GPR143: variants seen among roughly 807,000 people sequenced by gnomAD.
The protein encoded by GPR143 is G protein-coupled receptor 143, also known as G-protein coupled receptor 143.
Under a neutral mutation model 27.6 loss-of-function variants are expected in GPR143, and 8 were observed. The observed-to-expected ratio is 0.29, with a 90% CI of 0.17 to 0.52. The LOEUF is 0.52. Ranked by LOEUF, GPR143 falls within the 20% of genes least tolerant of loss-of-function variation. The pLI is 0.96. For missense variants in GPR143, 303 were observed against 343.1 expected (o/e 0.88, Z 0.92); for synonymous variants, 156 against 153.2 (o/e 1.02, Z -0.13).
In GPR143 at chrX:9,741,389, T is replaced by C. The variant is rs1365274939; in HGVS notation, c.834A>G (p.Gly278=). 1 of 1,161,429 alleles carries C rather than the reference T, an allele frequency of 8.6e-7. No individual in the cohort carries two copies. Among genetic ancestry groups the C allele is most frequent in the Non-Finnish European group, 1.2e-6 (1 of 850,181 alleles). Residue 278 remains glycine (G), a synonymous_variant, in exon 7 of 9, where the codon GGA becomes GGG. Transcript: ENST00000467482. ...CAGTTCTGACAGGTTTCAAAGAACCTCCATTGATATCTGTTTGCATCTCAA... is the reference window on the plus strand; with the variant it reads ...CAGTTCTGACAGGTTTCAAAGAACCCCCATTGATATCTGTTTGCATCTCAA... ...FYLEMQTDIN[G]GSLKPVRTAA...
At chrX:9,747,248 A>C (rs2083433046) in intron 4 of GPR143, among the ~76,000 whole-genome samples, 1 of 110,839 alleles carries the variant, frequency 9.0e-6, no homozygotes, top group Non-Finnish European at 1.9e-5. Context: ...ATGACAAATA[A>C]GAGAGTGAGA....
At chrX:9,743,369 C>T (rs1490288148) in intron 6 of GPR143, among the ~76,000 whole-genome samples, 196 bp downstream of exon 6, 1 of 109,967 alleles carries the variant, frequency 9.1e-6, no homozygotes, top group African/African-American at 3.3e-5. Flanking sequence ...GAATGTTTTT[C>T]CAGAAATTCA....
chrX:9,759,370 C>A lies in GPR143; in HGVS notation c.417G>T (p.Val139=). ...ACFWWLFCYA[V]DAYLVIRRSA... ...ATCTCCGGATCACCAGATAAGCATC[C>A]ACTGCATAGCAAAACAGCCACCAGA... The change falls in exon 3 of 9, where the codon GTG becomes GTT. Residue 139 remains valine, a synonymous_variant. Coordinates refer to ENST00000467482, the MANE Select transcript of GPR143 (RefSeq NM_000273.3). 8.3e-7 allele frequency: 1 copy of A among 1,198,152 alleles called. No homozygotes were observed. The highest frequency in any genetic ancestry group is 3.0e-5 in the East Asian group (1 of 33,546).
chrX:9,760,596 A>C, intron 2 of GPR143, 121 bp downstream of exon 2: 1 of 498,670 alleles, frequency 2.0e-6, no homozygotes, highest in Middle Eastern at 5.5e-4. Flanking sequence ...TGGGTTCCTG[A>C]TCAGCAGGAT....
chrX:9,771,709 C>CTTTTTT lies in GPR143; in HGVS notation c.-2-10884_-2-10883insAAAAAA, dbSNP rs752477509. ...CCAACTAAGCCATGGAGCATTCTCT[C>CTTTTTT]TCTTTTTTTTTTTTTTTTGGATGGA... On this transcript the variant is annotated intron_variant, in intron 1 of 7. Coordinates refer to the GPR143 transcript ENST00000447366. 2.5e-4 allele frequency among the ~76,000 whole-genome samples: 23 copies of CTTTTTT among 92,804 alleles called. 3 individuals are homozygous for CTTTTTT. Among genetic ancestry groups the CTTTTTT allele is most frequent in the African/African-American group, 5.6e-4 (14 of 24,940 alleles). The allele number at this position is 92,804 out of a possible 115,157, so 80.6% of individuals were successfully genotyped here. A position where few individuals can be genotyped will look rare whatever the true frequency, so the allele number is the denominator to read the frequency against.
chrX:9,754,054 C>T (rs750356392), intron 3 of GPR143, among the ~76,000 whole-genome samples: 2 of 111,307 alleles, frequency 1.8e-5, no homozygotes, highest in Non-Finnish European at 3.8e-5. Context: ...CTTGGGTTTG[C>T]CTCTCCTGTC....
Position 9,760,174 on chromosome X carries a change from C to G in GPR143, c.360+543G>C, listed in dbSNP as rs1263777713. On this transcript the variant is annotated intron_variant, in intron 2 of 8. Coordinates refer to ENST00000467482, the MANE Select transcript of GPR143 (RefSeq NM_000273.3). ...TGGCGCGATCTTGGCTCACTGCAAC[C>G]TCCGCCTCCCGGGTTGAAGCAATTC... 2.7e-5 allele frequency among the ~76,000 whole-genome samples: 3 copies of G among 111,755 alleles called. No individual in the cohort carries two copies. The East Asian group carries it at 8.4e-4, about 31-fold the overall frequency.
At chrX:9,767,015 G>A (rs1362446273), upstream of GPR143, among the ~76,000 whole-genome samples, 1 of 109,263 alleles carries the variant, frequency 9.2e-6, no homozygotes, top group East Asian at 2.9e-4. Context: ...AGTACACACA[G>A]ACACATTTTG....
intron 2 of GPR143, 72 bp downstream of exon 2, chrX:9,760,645 C>T: frequency 1.7e-6 from 1 of 582,895 alleles, no homozygotes; most frequent in South Asian, 2.4e-5. Flanking sequence ...AACAGACTCC[C>T]AGGGTTTGCT....
chrX:9,758,919 T>C (rs763498984), intron 3 of GPR143, among the ~76,000 whole-genome samples: 213 of 112,415 alleles, frequency 1.9e-3, no homozygotes, highest in South Asian at 0.014. Context: ...TAAAATTGTT[T>C]ATGTACATGC....
At chrX:9,728,937 A>G (rs1301506346) in intron 8 of GPR143, among the ~76,000 whole-genome samples, 6 of 111,235 alleles carry the variant, frequency 5.4e-5, no homozygotes, top group African/African-American at 2.0e-4. Context: ...CCAGGTTTGG[A>G]TTAAGATGAG....
chrX:9,755,850 T>G (rs2083472179), intron 3 of GPR143, among the ~76,000 whole-genome samples: 1 of 112,196 alleles, frequency 8.9e-6, no homozygotes, highest in African/African-American at 3.2e-5. Flanking sequence ...ATATATTTTA[T>G]GTAGCCAAAA....
At chrX:9,752,724 T>A (rs1286769347) in intron 3 of GPR143, among the ~76,000 whole-genome samples, 1 of 111,859 alleles carries the variant, frequency 8.9e-6, no homozygotes, top group Non-Finnish European at 1.9e-5. Flanking sequence ...TGCACACCTG[T>A]AGCCCCAGCT....
At chrX:9,775,398 G>A (rs908131964) in intron 1 of GPR143, among the ~76,000 whole-genome samples, 1 of 112,114 alleles carries the variant, frequency 8.9e-6, no homozygotes, top group African/African-American at 3.2e-5. Flanking sequence ...ACGGAGAGAG[G>A]TGGGTTGTGT....
At chrX:9,743,187 C>G (rs758223201) in intron 6 of GPR143, among the ~76,000 whole-genome samples, 9 of 94,531 alleles carry the variant, frequency 9.5e-5, no homozygotes, top group Admixed American at 2.4e-4. Flanking sequence ...CTCCAGCACT[C>G]CAGCCTGGGT....
At chrX:9,777,318 G>C (rs981748088) in intron 1 of GPR143, among the ~76,000 whole-genome samples, 15 of 111,889 alleles carry the variant, frequency 1.3e-4, no homozygotes, top group African/African-American at 4.9e-4. Flanking sequence ...GAGGTGGTAG[G>C]ATGGCTTCAG....
At chrX:9,732,335 G>A (rs1437148430) in intron 8 of GPR143, among the ~76,000 whole-genome samples, 2 of 111,575 alleles carry the variant, frequency 1.8e-5, no homozygotes, top group Non-Finnish European at 3.8e-5. Flanking sequence ...GGAAAACAAG[G>A]CATTGTGGGA....
rs781038475 is a variant in GPR143 at position 9,748,958 on chromosome X, A to G, written c.456-292T>C. Among the ~76,000 whole-genome samples, 97 of 112,534 alleles carry G rather than the reference A, an allele frequency of 8.6e-4. No individual in the cohort carries two copies. In the East Asian group the frequency reaches 0.022, roughly 26 times the overall value. ...CCTTCCAAAATGTTTTCATCATTCC[A>G]AAAGGAGACCCCATATCCATTAATT... is the stretch of plus-strand genomic sequence containing the variant. On this transcript the variant is annotated intron_variant, in intron 3 of 8. Coordinates refer to ENST00000467482, the MANE Select transcript of GPR143 (RefSeq NM_000273.3).
chrX:9,740,986 C>G, intron 7 of GPR143: 1 of 294,944 alleles, frequency 3.4e-6, no homozygotes, highest in East Asian at 4.8e-5. Flanking sequence ...AAACAGCCAG[C>G]TAGCACACTA....
Sources: gnomAD v4.1 joint callset for allele counts (sites outside exome capture counted in the v4.1 genomes callset) on GRCh38, gnomAD v4.1.1 for gene constraint, MANE v1.5 for transcripts, NCBI Gene and HGNC (gene_info 2026-07-23, HGNC 2026-07-21) for gene names.